Variants in NKAIN3 observed in about 807,000 individuals in gnomAD.
NKAIN3 encodes the protein sodium/potassium-transporting ATPase subunit beta-1-interacting protein 3.
NKAIN3 carries 25 observed loss-of-function variants against 30.2 expected under a neutral mutation model. The observed-to-expected ratio is 0.83, with a 90% confidence interval of 0.60 to 1.16. The LOEUF is 1.16. Ranked by LOEUF, NKAIN3 falls within the 50% of genes most tolerant of loss-of-function variation. The pLI, the probability that NKAIN3 is intolerant of heterozygous loss-of-function variation, is 0.00. For synonymous variants in NKAIN3, 91 were observed against 89.6 expected, an observed-to-expected ratio of 1.02 and a Z score of -0.09; for missense variants, 225 against 254.1, an observed-to-expected ratio of 0.89 and a Z score of 0.78.
At chr8:62,350,391 G>C (rs769844746) in intron 1 of NKAIN3, among the ~76,000 whole-genome samples, 1 of 152,014 alleles carries the variant, frequency 6.6e-6, no homozygotes, top group Non-Finnish European at 1.5e-5. Flanking sequence ...CATATGATTC[G>C]AGTTATATGA....
intron 4 of NKAIN3, among the ~76,000 whole-genome samples, chr8:62,879,305 G>C (rs185302549): frequency 4.6e-5 from 7 of 152,160 alleles, no homozygotes; most frequent in African/African-American, 1.4e-4. Flanking sequence ...CTGCATAAAT[G>C]TCTTCTTTTG....
intron 1 of NKAIN3, among the ~76,000 whole-genome samples, chr8:62,332,634 G>A (rs757740253): frequency 2.0e-5 from 3 of 152,120 alleles, no homozygotes; most frequent in Non-Finnish European, 4.4e-5. Flanking sequence ...CTGCTAACCT[G>A]TGAATGAGCT....
At chr8:62,573,698 T>G (rs1228984155) in intron 1 of NKAIN3, among the ~76,000 whole-genome samples, 1 of 152,142 alleles carries the variant, frequency 6.6e-6, no homozygotes. Context: ...TCTAAGATTT[T>G]CAAGTTTTAT....
chr8:62,842,511 C>T (rs1395276374), intron 4 of NKAIN3, among the ~76,000 whole-genome samples: 1 of 151,952 alleles, frequency 6.6e-6, no homozygotes, highest in African/African-American at 2.4e-5. Context: ...AAAAATCAAT[C>T]CTAAAATTCT....
chr8:62,997,051 CT>C (rs1454225867), intron 5 of NKAIN3, among the ~76,000 whole-genome samples: 1 of 152,214 alleles, frequency 6.6e-6, no homozygotes, highest in Non-Finnish European at 1.5e-5. Flanking sequence ...AGTGAGGACT[CT>C]GTGTGGGGGC....
In NKAIN3 at chr8:62,965,598, T is replaced by C; in HGVS notation, c.*191T>C. On this transcript the variant is annotated 3_prime_UTR_variant, in exon 7 of 7. Transcript: ENST00000623646. ...GGGTATTTTTTTAGTCGTTTTCTTC[T>C]TATATGAACACTTGTAAGTTGTAAA... 1 of 972,974 alleles carries C rather than the reference T, an allele frequency of 1.0e-6. No individual in the cohort carries two copies. Among genetic ancestry groups the C allele is most frequent in the Non-Finnish European group, 1.2e-6 (1 of 821,066 alleles). The allele number at this position is 972,974 out of a possible 1,614,324, so 60.3% of individuals were successfully genotyped here.
chr8:62,437,064 A>G (rs766505380), intron 1 of NKAIN3, among the ~76,000 whole-genome samples: 2 of 152,202 alleles, frequency 1.3e-5, no homozygotes, highest in Non-Finnish European at 2.9e-5. Context: ...ATATAGACGA[A>G]TGTATTAGCA....
chr8:62,475,873 A>T (rs1002268322), intron 1 of NKAIN3, among the ~76,000 whole-genome samples: 3 of 152,150 alleles, frequency 2.0e-5, no homozygotes, highest in Non-Finnish European at 4.4e-5. Context: ...GTGGTTAAGA[A>T]CAAGTACTGT....
Position 62,936,579 on chromosome 8 carries a change from A to T in NKAIN3, c.533-17323A>T, listed in dbSNP as rs538983203. Among the ~76,000 whole-genome samples the T allele has an allele frequency of 5.9e-5, 9 of 152,314 alleles. 1 individual carries two copies. In the South Asian group the frequency reaches 1.9e-3, roughly 32 times the overall value. On this transcript the variant is annotated intron_variant, in intron 5 of 6. Transcript: ENST00000623646. ...CCATACAAAATCACTACAATTTTTA[A>T]TAATAAAAATGAAAGCATTACTGTT...
intron 4 of NKAIN3, among the ~76,000 whole-genome samples, chr8:62,774,653 TTGAAC>T (rs1185360729): frequency 6.6e-6 from 1 of 152,216 alleles, no homozygotes; most frequent in Non-Finnish European, 1.5e-5. Flanking sequence ...TCAGCATAAA[TTGAAC>T]TGATCACATG....
rs183859459 is a variant in NKAIN3, at chr8:62,270,456, A to C, written c.54+21329A>C. Among the ~76,000 whole-genome samples, 789 of 152,220 alleles carry C rather than the reference A, an allele frequency of 5.2e-3. 1 individual carries two copies. Among genetic ancestry groups the C allele is most frequent in the Middle Eastern group, 0.01 (3 of 292 alleles). ...TTAAATTTTAAACTATAAATTTAAA[A>C]ATTATAGTTGTATATATTTATGAAG... On this transcript the variant is annotated intron_variant, in intron 1 of 6. Transcript: ENST00000623646.
chr8:62,730,316 A>C (rs1404832163), intron 3 of NKAIN3, among the ~76,000 whole-genome samples: 1 of 152,088 alleles, frequency 6.6e-6, no homozygotes, highest in Non-Finnish European at 1.5e-5. Flanking sequence ...TCATATATTA[A>C]TTGCAAACCC....
chr8:62,341,696 C>A (rs1329815337), intron 1 of NKAIN3, among the ~76,000 whole-genome samples: 1 of 151,798 alleles, frequency 6.6e-6, no homozygotes, highest in African/African-American at 2.4e-5. Context: ...GAAAAAAATT[C>A]TTTTGCAATT....
intron 1 of NKAIN3, among the ~76,000 whole-genome samples, chr8:62,501,886 G>T (rs942996460): frequency 6.6e-6 from 1 of 152,182 alleles, no homozygotes; most frequent in Non-Finnish European, 1.5e-5. Flanking sequence ...TATGCTAAGT[G>T]ATGAGTCATG....
intron 4 of NKAIN3, among the ~76,000 whole-genome samples, chr8:62,757,887 G>A (rs576852631): frequency 2.6e-5 from 4 of 152,118 alleles, no homozygotes; most frequent in Non-Finnish European, 5.9e-5. Flanking sequence ...AGTCAAATAA[G>A]GAACTATGTT....
intron 4 of NKAIN3, among the ~76,000 whole-genome samples, chr8:62,902,197 G>A (rs1188063857): frequency 1.3e-5 from 2 of 152,152 alleles, no homozygotes; most frequent in East Asian, 1.9e-4. Context: ...GGATCCATTG[G>A]CACAAATATG....
At chr8:62,870,272 A>ATATAGATATAGATATCTATATCTATATC (rs1820579340) in intron 4 of NKAIN3, among the ~76,000 whole-genome samples, 2 of 124,706 alleles carry the variant, frequency 1.6e-5, no homozygotes, top group African/African-American at 3.3e-5. Context: ...CTATATATAG[A>ATATAGATATAGATATCTATATCTATATC]TATATATAAA....
chr8:62,313,946 G>A (rs539031773), intron 1 of NKAIN3, among the ~76,000 whole-genome samples: 153 of 152,158 alleles, frequency 1.0e-3, no homozygotes, highest in African/African-American at 3.5e-3. Flanking sequence ...TTTAGTCACA[G>A]AGAGGAACAC....
At chr8:62,631,046 C>T (rs1811942147) in intron 3 of NKAIN3, among the ~76,000 whole-genome samples, 1 of 152,232 alleles carries the variant, frequency 6.6e-6, no homozygotes, top group South Asian at 2.1e-4. Context: ...GAAAGGGACC[C>T]TTGCCATTCC....
Sources: gnomAD v4.1 joint callset for allele counts (sites outside exome capture counted in the v4.1 genomes callset) on GRCh38, gnomAD v4.1.1 for gene constraint, MANE v1.5 for transcripts, NCBI Gene and HGNC (gene_info 2026-07-23, HGNC 2026-07-21) for gene names.